LONRF3: variants seen among roughly 807,000 people sequenced by gnomAD.
LONRF3 encodes the protein LON peptidase N-terminal domain and RING finger protein 3.
Under a neutral mutation model 51.7 loss-of-function variants are expected in LONRF3, and 19 were observed. The observed-to-expected ratio is 0.37, with a 90% CI of 0.26 to 0.54. LONRF3 has a LOEUF of 0.54. Among genes scored for constraint, LONRF3 ranks in the 20% least tolerant of loss-of-function variants. LONRF3 has a pLI of 0.86. For missense variants in LONRF3, 521 were observed against 623.9 expected (o/e 0.84, Z 1.76); for synonymous variants, 265 against 257.8 (o/e 1.03, Z -0.27).
Position 118,990,485 on chromosome X carries a change from A to AG in LONRF3, c.1345dup (p.Asp449GlyfsTer16), listed in dbSNP as rs1488439371. The AG allele has an allele frequency of 8.3e-7, 1 of 1,208,340 alleles. No homozygotes were observed. Among genetic ancestry groups the AG allele is most frequent in the Non-Finnish European group, 1.1e-6 (1 of 893,717 alleles). ...TAAATCGCAGATCCTCCCACTGATCAGGGGGACAAACCTGCTCTCAGTTTA... is the reference window on the plus strand; with the variant it reads ...TAAATCGCAGATCCTCCCACTGATCAGGGGGGACAAACCTGCTCTCAGTTTA... On this transcript the variant is annotated frameshift_variant, in exon 5 of 11. Transcript: ENST00000371628. LOFTEE classifies it high-confidence loss of function.
rs756859415 is a variant in LONRF3, at chrX:118,989,553, A to T, written c.1205A>T (p.Asp402Val). 4 of 1,211,459 alleles carry T rather than the reference A, an allele frequency of 3.3e-6. No homozygotes were observed. The highest frequency in any genetic ancestry group is 4.5e-6 in the Non-Finnish European group (4 of 895,428). Reference protein sequence around the residue: ...KDQEEEEEKWDATSPKAASSK... With the variant: ...KDQEEEEEKWVATSPKAASSK... The stretch of plus-strand genomic sequence containing the variant: ...CAGGAAGAAGAGGAGGAGAAGTGGG[A>T]TGCTACCTCTCCAAAAGCTGCTTCC... Residue 402 changes from aspartate to valine, a missense_variant, in exon 4 of 11, where the codon GAT becomes GTT. This residue lies in a region of LONRF3 where 376 missense variants were observed against 376.7 expected (regional missense o/e 1.00). Transcript: ENST00000371628.
At chrX:118,992,122 C>T (rs185768862) in intron 5 of LONRF3, among the ~76,000 whole-genome samples, 12 of 111,716 alleles carry the variant, frequency 1.1e-4, no homozygotes, top group African/African-American at 3.3e-4. Flanking sequence ...GTTGTGCTGG[C>T]GGGTCCTGCG....
At chrX:118,996,921 CAA>C (rs58609623) in intron 5 of LONRF3, among the ~76,000 whole-genome samples, 76 of 62,730 alleles carry the variant, frequency 1.2e-3, no homozygotes, top group African/African-American at 3.0e-3. Context: ...GACTCCATCT[CAA>C]AAAAAAAAAA....
At chrX:119,008,347 G>T (rs1390171144) in intron 6 of LONRF3, among the ~76,000 whole-genome samples, 1 of 111,919 alleles carries the variant, frequency 8.9e-6, no homozygotes, top group African/African-American at 3.3e-5. Context: ...TCCATAGCAA[G>T]CAATTCTCTG....
intron 2 of LONRF3, among the ~76,000 whole-genome samples, chrX:118,981,520 G>A (rs1922556480): frequency 9.4e-6 from 1 of 106,587 alleles, no homozygotes; most frequent in African/African-American, 3.4e-5. Context: ...ATTGCTACTT[G>A]ATAATATGAT....
At position 118,975,233 on chromosome X, in the gene LONRF3, G is replaced by A; in HGVS notation, c.453G>A (p.Glu151=). The change falls in exon 1 of 11, where the codon GAG becomes GAA. Residue 151 remains glutamate, a synonymous_variant. Transcript: ENST00000371628. Reference sequence around the variant, plus strand: ...CCGCCGCGGCTGCGGCGGCCACCGAGGTGTGGGACGGCTTTAAGTGCCGGA... The same window carrying A: ...CCGCCGCGGCTGCGGCGGCCACCGAAGTGTGGGACGGCTTTAAGTGCCGGA... The part of the protein sequence containing the change: ...TGAAAAAAAT[E]VWDGFKCRKC... 8.3e-7 allele frequency: 1 copy of A among 1,198,283 alleles called. No individual in the cohort carries two copies.
At chrX:118,996,852 G>A (rs1390324555) in intron 5 of LONRF3, among the ~76,000 whole-genome samples, 1 of 108,086 alleles carries the variant, frequency 9.3e-6, no homozygotes, top group African/African-American at 3.4e-5. Context: ...AACCCAGGAG[G>A]CGGAGCTTGC....
At chrX:118,981,189 A>G (rs1922519415) in intron 2 of LONRF3, among the ~76,000 whole-genome samples, 1 of 111,037 alleles carries the variant, frequency 9.0e-6, no homozygotes, top group Non-Finnish European at 1.9e-5. Flanking sequence ...CTGAGCAGGT[A>G]GAGTATATGG....
chrX:119,016,350 C>CTTTCTTTCT (rs1187001381), intron 10 of LONRF3, among the ~76,000 whole-genome samples: 3 of 88,538 alleles, frequency 3.4e-5, no homozygotes, highest in East Asian at 3.3e-4. Flanking sequence ...TTCTTTCTTT[C>CTTTCTTTCT]TTTTTTTTTT....
At chrX:119,000,384 A>G (rs2147291889) in intron 5 of LONRF3, among the ~76,000 whole-genome samples, 1 of 112,172 alleles carries the variant, frequency 8.9e-6, no homozygotes, top group South Asian at 3.8e-4. Flanking sequence ...AAAAGAGTGA[A>G]TGGAACAATA....
chrX:118,978,512 A>G, intron 2 of LONRF3, 49 bp downstream of exon 2: 1 of 876,607 alleles, frequency 1.1e-6, no homozygotes, highest in Non-Finnish European at 1.7e-6. Context: ...GTAGACAGGT[A>G]TTGGCAGGAA....
chrX:118,997,117 A>G (rs868739444), intron 5 of LONRF3, among the ~76,000 whole-genome samples: 2 of 111,004 alleles, frequency 1.8e-5, no homozygotes, highest in Admixed American at 9.6e-5. Flanking sequence ...TAGAAAAAAA[A>G]CAATTCTAAA....
In LONRF3 at chrX:118,975,104, G is replaced by A. The variant is rs1921881958; in HGVS notation, c.324G>A (p.Val108=). The part of the protein sequence containing the change: ...QLVAEQLEQL[V]RCLAEKVPQG... ...TGGCTGAGCAGCTGGAGCAGCTGGT[G>A]CGCTGCCTGGCGGAGAAAGTCCCGC... is the stretch of plus-strand genomic sequence containing the variant. The change falls in exon 1 of 11, where the codon GTG becomes GTA. Residue 108 remains valine, a synonymous_variant. Coordinates refer to ENST00000371628, the MANE Select transcript of LONRF3 (RefSeq NM_001031855.3). 6.8e-6 allele frequency: 8 copies of A among 1,169,680 alleles called. No homozygotes were observed. In the South Asian group the frequency reaches 1.1e-4, roughly 17 times the overall value.
chrX:119,013,270 G>T (rs2290514), intron 9 of LONRF3, 69 bp downstream of exon 9: 407,928 of 1,077,630 alleles, frequency 0.38, 54,652 homozygotes, highest in African/African-American at 0.59. Flanking sequence ...AAAGATAGTT[G>T]TGAAAGGATT....
chrX:118,983,591 G>A (rs1392940409), intron 3 of LONRF3, among the ~76,000 whole-genome samples: 2 of 112,723 alleles, frequency 1.8e-5, no homozygotes, highest in African/African-American at 6.4e-5. Context: ...GAGCATTAGT[G>A]AAGGCTCAGC....
At chrX:119,013,904 A>G (rs974083178) in intron 9 of LONRF3, among the ~76,000 whole-genome samples, 3 of 112,157 alleles carry the variant, frequency 2.7e-5, no homozygotes, top group Non-Finnish European at 3.8e-5. Flanking sequence ...ATGGACCAGC[A>G]TAACCTGGTT....
At chrX:119,003,777 C>A (rs1488943075) in intron 5 of LONRF3, among the ~76,000 whole-genome samples, 1 of 112,047 alleles carries the variant, frequency 8.9e-6, no homozygotes. Flanking sequence ...ATGAAATAAC[C>A]CATTGAGGTT....
chrX:119,000,075 T>C (rs1198938669), intron 5 of LONRF3, among the ~76,000 whole-genome samples: 3 of 112,127 alleles, frequency 2.7e-5, no homozygotes, highest in African/African-American at 6.5e-5. Context: ...TTGACAAAGC[T>C]TTTGATTCCA....
intron 10 of LONRF3, among the ~76,000 whole-genome samples, chrX:119,016,886 C>T (rs1200793306): frequency 8.9e-6 from 1 of 111,841 alleles, no homozygotes; most frequent in Non-Finnish European, 1.9e-5. Flanking sequence ...ATGTTAAATG[C>T]ATCAGTCCAA....
Sources: allele counts gnomAD v4.1 joint callset (sites outside exome capture counted in the v4.1 genomes callset), GRCh38; gene constraint gnomAD v4.1.1; regional missense constraint gnomAD v4.1.1; transcripts MANE v1.5; gene names NCBI Gene and HGNC (gene_info 2026-07-23, HGNC 2026-07-21).